The following DPYSL5 variants were observed in gnomAD, a reference collection of about 807,000 sequenced individuals.
The protein encoded by DPYSL5 is dihydropyrimidinase-related protein 5.
A neutral mutation model predicts 58.4 loss-of-function variants in DPYSL5; 9 were observed. The ratio of observed to expected loss-of-function variants is 0.15; its 90% CI spans 0.09 to 0.27. The LOEUF is 0.27. Ranked by LOEUF, DPYSL5 falls within the 10% of genes least tolerant of loss-of-function variation. DPYSL5 has a pLI of 1.00. For synonymous variants in DPYSL5, 293 were observed against 301.9 expected (o/e 0.97, Z 0.31); for missense variants, 499 against 770.6 (o/e 0.65, Z 4.17).
rs144434401 is a variant in DPYSL5 at position 26,889,688 on chromosome 2, G to A, written c.-4-8808G>A. Reference sequence around the variant, plus strand: ...TATGGTGCTTAAGAACCTGCATAGCGTAGGGAAAAAAAAAAAAAGCCTGTA... The same window carrying A: ...TATGGTGCTTAAGAACCTGCATAGCATAGGGAAAAAAAAAAAAAGCCTGTA... On this transcript the variant is annotated intron_variant, in intron 1 of 12. Coordinates refer to ENST00000288699, the MANE Select transcript of DPYSL5 (RefSeq NM_020134.4). Among the ~76,000 whole-genome samples the A allele has an allele frequency of 6.0e-5, 9 of 150,032 alleles. No individual in the cohort carries two copies. In the East Asian group the frequency reaches 1.6e-3, roughly 26 times the overall value.
chr2:26,941,558 G>A (rs1665322905), intron 9 of DPYSL5, among the ~76,000 whole-genome samples: 1 of 152,168 alleles, frequency 6.6e-6, no homozygotes, highest in Non-Finnish European at 1.5e-5. Flanking sequence ...TACTCTCATG[G>A]GTGGGGCAAT....
At chr2:26,937,719 T>A (rs969006526) in intron 8 of DPYSL5, among the ~76,000 whole-genome samples, 3 of 151,662 alleles carry the variant, frequency 2.0e-5, no homozygotes, top group Non-Finnish European at 1.5e-5. Flanking sequence ...GCTACACGTG[T>A]GCACCACCAT....
chr2:26,943,407 T>C (rs10179807), intron 11 of DPYSL5, among the ~76,000 whole-genome samples: 147,427 of 152,294 alleles, frequency 0.97, 71,550 homozygotes, highest in East Asian at 1. Flanking sequence ...CAGGGTCTCT[T>C]ACTCATCACA....
chr2:26,898,829 G>T lies in DPYSL5; in HGVS notation c.261+69G>T. ...TTATTCTGCTTCTAGGGCTGCTCCA[G>T]ACTAGACTCATGTGAGCCAGGTGCT... On this transcript the variant is annotated intron_variant, in intron 2 of 12. Coordinates refer to ENST00000288699, the MANE Select transcript of DPYSL5 (RefSeq NM_020134.4). The surrounding 1 kb of genome is among the most constrained non-coding windows in gnomAD (Gnocchi z 6.1). The T allele has an allele frequency of 6.5e-7, 1 of 1,528,396 alleles. No individual in the cohort carries two copies. 94.7% of individuals were successfully genotyped at this position (1,528,396 alleles called of 1,614,324 possible). A position where few individuals can be genotyped will look rare whatever the true frequency, so the allele number is the denominator to read the frequency against.
intron 2 of DPYSL5, among the ~76,000 whole-genome samples, chr2:26,910,772 G>A (rs1029055626): frequency 1.3e-5 from 2 of 151,468 alleles, no homozygotes; most frequent in African/African-American, 4.8e-5. Context: ...TGTTTATATA[G>A]TCTAATTACA....
intron 8 of DPYSL5, chr2:26,938,405 T>C (rs1380911016): frequency 6.6e-6 from 1 of 152,266 alleles, no homozygotes; most frequent in South Asian, 2.1e-4. Flanking sequence ...CATTCATCTA[T>C]CAGGGCTTCT....
intron 2 of DPYSL5, among the ~76,000 whole-genome samples, chr2:26,899,007 G>T (rs1021640180): frequency 2.0e-5 from 3 of 152,188 alleles, no homozygotes; most frequent in African/African-American, 7.2e-5. Flanking sequence ...AAGTACCCAG[G>T]CTGAGAACTG....
Position 26,898,389 on chromosome 2 carries a change from C to T in DPYSL5, c.-4-107C>T. On this transcript the variant is annotated intron_variant, in intron 1 of 12. Transcript: ENST00000288699. This position sits in a 1 kb window ranked among gnomAD's most constrained non-coding sequence, Gnocchi z 6.1. ...GCTGTAGGGGAAAGTTCCTCCTCTT[C>T]TCTGCTCACTTACCCTGACCATGGA... is the stretch of plus-strand genomic sequence containing the variant. 2.7e-6 allele frequency: 4 copies of T among 1,490,324 alleles called. No individual in the cohort carries two copies. Among genetic ancestry groups the T allele is most frequent in the Non-Finnish European group, 3.6e-6 (4 of 1,098,686 alleles). The allele number at this position is 1,490,324 out of a possible 1,614,324, so 92.3% of individuals were successfully genotyped here.
At chr2:26,886,163 C>A (rs1047433148) in intron 1 of DPYSL5, among the ~76,000 whole-genome samples, 2 of 152,238 alleles carry the variant, frequency 1.3e-5, no homozygotes, top group African/African-American at 2.4e-5. Flanking sequence ...AGCTCAGTCA[C>A]TGAGCAGGTA....
At chr2:26,932,845 C>T (rs1665066548) in intron 6 of DPYSL5, among the ~76,000 whole-genome samples, 1 of 152,228 alleles carries the variant, frequency 6.6e-6, no homozygotes, top group Non-Finnish European at 1.5e-5. Flanking sequence ...AGCCTTCAGA[C>T]AGCAGGCATC....
chr2:26,929,418 G>T (rs1229607071), intron 5 of DPYSL5, among the ~76,000 whole-genome samples: 1 of 152,140 alleles, frequency 6.6e-6, no homozygotes, highest in African/African-American at 2.4e-5. Flanking sequence ...GTTTAGTAGA[G>T]ACGGGGTTTC....
intron 1 of DPYSL5, among the ~76,000 whole-genome samples, chr2:26,857,798 A>C (rs1665915636): frequency 6.6e-6 from 1 of 152,234 alleles, no homozygotes; most frequent in Admixed American, 6.5e-5. Flanking sequence ...GTTGGATTAT[A>C]ATGGAAAGAA....
At chr2:26,923,164 C>G (rs1357194736) in intron 2 of DPYSL5, among the ~76,000 whole-genome samples, 2 of 152,060 alleles carry the variant, frequency 1.3e-5, no homozygotes, top group Non-Finnish European at 2.9e-5. Context: ...CTACAGAAAA[C>G]AGATAAACAC....
chr2:26,931,299 A>T (rs1157740574), intron 5 of DPYSL5, among the ~76,000 whole-genome samples: 1 of 149,058 alleles, frequency 6.7e-6, no homozygotes, highest in Non-Finnish European at 1.5e-5. Context: ...TTCCGGAGTC[A>T]AATCAGCCAC....
At position 26,933,577 on chromosome 2, in the gene DPYSL5, A is replaced by T. The variant is rs1665092903; in HGVS notation, c.790+244A>T. On this transcript the variant is annotated intron_variant, in intron 7 of 12. Coordinates refer to ENST00000288699, the MANE Select transcript of DPYSL5 (RefSeq NM_020134.4). This position sits in a 1 kb window ranked among gnomAD's most constrained non-coding sequence, Gnocchi z 4.2. ...TAACAGCTTTACGGAAGTGTCTGTC[A>T]CTTCTCCTGGGTCTGGTAACATTTT... Among the ~76,000 whole-genome samples the T allele has an allele frequency of 6.6e-6, 1 of 152,164 alleles. No individual in the cohort carries two copies. Among genetic ancestry groups the T allele is most frequent in the Non-Finnish European group, 1.5e-5 (1 of 68,028 alleles).
chr2:26,909,029 G>C (rs916782290), intron 2 of DPYSL5, among the ~76,000 whole-genome samples: 19 of 152,076 alleles, frequency 1.2e-4, no homozygotes, highest in African/African-American at 4.6e-4. Context: ...TGCCATATTT[G>C]TGTTGAAAAT....
intron 5 of DPYSL5, among the ~76,000 whole-genome samples, chr2:26,931,203 G>GTATATATATATATATA (rs373034710): frequency 0.011 from 506 of 44,890 alleles, 41 homozygotes; most frequent in Non-Finnish European, 0.017. Context: ...GTGTGTGTGT[G>GTATATATATATATATA]TATATATATA....
At chr2:26,865,074 T>C (rs1174572122) in intron 1 of DPYSL5, among the ~76,000 whole-genome samples, 1 of 152,234 alleles carries the variant, frequency 6.6e-6, no homozygotes, top group Non-Finnish European at 1.5e-5. Flanking sequence ...GTTTTGAAAA[T>C]ACATTTAGTG....
In DPYSL5 at chr2:26,942,837, T is replaced by A; in HGVS notation, c.1440+87T>A. 1 of 1,463,556 alleles carries A rather than the reference T, an allele frequency of 6.8e-7. No homozygotes were observed. Among genetic ancestry groups the A allele is most frequent in the Non-Finnish European group, 9.4e-7 (1 of 1,065,972 alleles). The allele number at this position is 1,463,556 out of a possible 1,614,324, so 90.7% of individuals were successfully genotyped here. On this transcript the variant is annotated intron_variant, in intron 11 of 12. Transcript: ENST00000288699. This position sits in a 1 kb window ranked among gnomAD's most constrained non-coding sequence, Gnocchi z 5.9. ...GACTGTTTTAAATCTCAAAGAGATG[T>A]TCACTCCAGTTTTCGACCCAATTCC...
Sources: allele counts gnomAD v4.1 joint callset (sites outside exome capture counted in the v4.1 genomes callset), GRCh38; gene constraint gnomAD v4.1.1; non-coding constraint Gnocchi (gnomAD v3.1); transcripts MANE v1.5; gene names NCBI Gene and HGNC (gene_info 2026-07-23, HGNC 2026-07-21).